FBP1: variants seen among roughly 807,000 people sequenced by gnomAD.
The protein encoded by FBP1 is fructose-bisphosphatase 1.
Under a neutral mutation model 29.9 loss-of-function variants are expected in FBP1, and 22 were observed. The ratio of observed to expected loss-of-function variants is 0.74; its 90% CI spans 0.53 to 1.05. The LOEUF (loss-of-function observed/expected upper bound fraction) is 1.05, where lower values mean the gene tolerates loss of function less well. FBP1 is among the 50% of genes least tolerant of loss of function. The probability of loss-of-function intolerance (pLI) is 0.00; values close to 1 mark genes in which losing one functional copy is unlikely to be tolerated. For missense variants in FBP1, 345 were observed against 448.2 expected, an observed-to-expected ratio of 0.77 and a Z score of 2.08; for synonymous variants, 175 against 178.6, an observed-to-expected ratio of 0.98 and a Z score of 0.16.
At chr9:94,610,450 T>C (rs755434827) in intron 3 of FBP1, among the ~76,000 whole-genome samples, 1 of 152,252 alleles carries the variant, frequency 6.6e-6, no homozygotes, top group Non-Finnish European at 1.5e-5. Flanking sequence ...AACACTGGGC[T>C]GCAGGGCAGC....
rs1321743387 is a variant in FBP1, at chr9:94,639,452, G to A, written c.-142C>T. 2 of 960,540 alleles carry A rather than the reference G, an allele frequency of 2.1e-6. No individual in the cohort carries two copies. The highest frequency in any genetic ancestry group is 1.4e-5 in the South Asian group (1 of 70,086). 59.5% of individuals were successfully genotyped at this position (960,540 alleles called of 1,614,324 possible). A position where few individuals can be genotyped will look rare whatever the true frequency, so the allele number is the denominator to read the frequency against. ...GCGGCAGGTGCGGGCCGCGGGACCT[G>A]GCGGGAGGACTGACAGACCGACTGC... On this transcript the variant is annotated 5_prime_UTR_variant, in exon 1 of 7. Transcript: ENST00000375326.
At chr9:94,604,306 T>C (rs1302649070) in intron 6 of FBP1, among the ~76,000 whole-genome samples, 1 of 151,960 alleles carries the variant, frequency 6.6e-6, no homozygotes, top group Non-Finnish European at 1.5e-5. Flanking sequence ...TAGAGAAAAG[T>C]GCTGGAAAGC....
chr9:94,603,230 C>A lies in FBP1; in HGVS notation c.*151G>T. On this transcript the variant is annotated 3_prime_UTR_variant, in exon 7 of 7. Coordinates refer to ENST00000375326, the MANE Select transcript of FBP1 (RefSeq NM_000507.4). Reference sequence around the variant, plus strand: ...GGAGACAGCATTTGGTTAGGGAGTGCCAAGCATTCTACAGCATTTGATGGT... The same window carrying A: ...GGAGACAGCATTTGGTTAGGGAGTGACAAGCATTCTACAGCATTTGATGGT... 1 of 719,832 alleles carries A rather than the reference C, an allele frequency of 1.4e-6. No individual in the cohort carries two copies. The highest frequency in any genetic ancestry group is 2.7e-5 in the East Asian group (1 of 36,914). 44.6% of individuals were successfully genotyped at this position (719,832 alleles called of 1,614,324 possible). A position where few individuals can be genotyped will look rare whatever the true frequency, so the allele number is the denominator to read the frequency against.
intron 2 of FBP1, 85 bp from the exon 3 acceptor site, chr9:94,617,945 A>G: frequency 2.8e-6 from 3 of 1,078,624 alleles, no homozygotes; most frequent in Non-Finnish European, 4.2e-6. Flanking sequence ...AAGAATGGGA[A>G]TTTAGAAGAA....
At chr9:94,635,854 G>A (rs1828184188) in intron 1 of FBP1, among the ~76,000 whole-genome samples, 2 of 152,196 alleles carry the variant, frequency 1.3e-5, no homozygotes, top group South Asian at 4.1e-4. Flanking sequence ...GCACACAGCA[G>A]TTAAAAGGAG....
At chr9:94,635,882 G>A (rs1056401461) in intron 1 of FBP1, among the ~76,000 whole-genome samples, 3 of 152,216 alleles carry the variant, frequency 2.0e-5, no homozygotes, top group African/African-American at 7.2e-5. Context: ...TAGATGTCCC[G>A]ATATTAATGG....
chr9:94,604,339 T>C (rs1181077694), intron 6 of FBP1, among the ~76,000 whole-genome samples: 2 of 152,206 alleles, frequency 1.3e-5, no homozygotes, highest in Non-Finnish European at 2.9e-5. Flanking sequence ...CAGGTTGATA[T>C]GCCCGAGGCA....
intron 1 of FBP1, among the ~76,000 whole-genome samples, chr9:94,624,662 A>T (rs949947130): frequency 4.6e-5 from 7 of 152,228 alleles, no homozygotes; most frequent in African/African-American, 1.7e-4. Context: ...TCAAAAAAAT[A>T]AAAAAAAGAA....
chr9:94,610,597 A>G (rs772225489), intron 3 of FBP1, among the ~76,000 whole-genome samples: 31 of 152,242 alleles, frequency 2.0e-4, no homozygotes, highest in Non-Finnish European at 3.4e-4. Flanking sequence ...CAGAGTCATT[A>G]TGGGGTAGAG....
intron 1 of FBP1, among the ~76,000 whole-genome samples, chr9:94,629,128 C>T (rs557802688): frequency 3.3e-4 from 50 of 152,124 alleles, no homozygotes; most frequent in Middle Eastern, 6.8e-3. Context: ...ATTACAGGCA[C>T]CTGCCACCAC....
chr9:94,619,805 C>T (rs899417568), intron 2 of FBP1, among the ~76,000 whole-genome samples: 5 of 143,530 alleles, frequency 3.5e-5, no homozygotes, highest in East Asian at 2.1e-4. Flanking sequence ...ACCCAGGAGG[C>T]GGAGGTTGCA....
Position 94,603,783 on chromosome 9 carries a change from A to C in FBP1, c.826-211T>G, listed in dbSNP as rs562247131. 6 of 611,912 alleles carry C rather than the reference A, an allele frequency of 9.8e-6. No homozygotes were observed. In the East Asian group the frequency reaches 1.5e-4, roughly 15 times the overall value. 37.9% of individuals were successfully genotyped at this position (611,912 alleles called of 1,614,324 possible). On this transcript the variant is annotated intron_variant, in intron 6 of 6. Transcript: ENST00000375326. Reference sequence around the variant, plus strand: ...ACCATTTGGTTAAATTCAACCATTCATCAAGCCAGTGCCAGCAATAGATTA... The same window carrying C: ...ACCATTTGGTTAAATTCAACCATTCCTCAAGCCAGTGCCAGCAATAGATTA...
intron 4 of FBP1, 105 bp from the exon 5 acceptor site, chr9:94,607,057 G>C: frequency 1.4e-6 from 2 of 1,480,542 alleles, no homozygotes; most frequent in Admixed American, 3.4e-5. Context: ...TGGGGTCGCG[G>C]CGCACGGGCA....
chr9:94,631,209 C>A (rs995126383), intron 1 of FBP1, among the ~76,000 whole-genome samples: 15 of 152,158 alleles, frequency 9.9e-5, no homozygotes, highest in African/African-American at 3.6e-4. Context: ...CCCTTTCCAG[C>A]CCCAGAGATA....
intron 1 of FBP1, among the ~76,000 whole-genome samples, chr9:94,625,514 G>A (rs1828011380): frequency 6.6e-6 from 1 of 152,084 alleles, no homozygotes; most frequent in African/African-American, 2.4e-5. Context: ...ACAGGGCTGG[G>A]GCCGGGCACA....
Position 94,610,056 on chromosome 9 carries a change from T to C in FBP1, c.432A>G (p.Ser144=). 1 of 1,614,188 alleles carries C rather than the reference T, an allele frequency of 6.2e-7. No homozygotes were observed. Among genetic ancestry groups the C allele is most frequent in the Non-Finnish European group, 8.5e-7 (1 of 1,180,002 alleles). Residue 144 remains serine, a synonymous_variant, in exon 4 of 7, where the codon TCA becomes TCG. Transcript: ENST00000375326. ...GTIFGIYRKK[S]TDEPSEKDAL... ...CATCCTTCTCAGAAGGCTCATCAGTTGATTTCTAGAGCAAGAAAGAAATCA... is the reference window on the plus strand; with the variant it reads ...CATCCTTCTCAGAAGGCTCATCAGTCGATTTCTAGAGCAAGAAAGAAATCA...
chr9:94,628,781 G>T (rs879616295), intron 1 of FBP1, among the ~76,000 whole-genome samples: 2 of 152,032 alleles, frequency 1.3e-5, no homozygotes, highest in African/African-American at 4.8e-5. Flanking sequence ...CCAGAGACCC[G>T]GATATTTGGT....
Position 94,634,071 on chromosome 9 carries a change from A to G in FBP1, c.170+5070T>C, listed in dbSNP as rs371440455. The stretch of plus-strand genomic sequence containing the variant: ...GACTTTGGGAGGCCGGGGCGGGCAG[A>G]TCACCTGAGGTCAGGAGTTTGAGAC... On this transcript the variant is annotated intron_variant, in intron 1 of 6. Coordinates refer to ENST00000375326, the MANE Select transcript of FBP1 (RefSeq NM_000507.4). 2.3e-3 allele frequency among the ~76,000 whole-genome samples: 344 copies of G among 150,976 alleles called. 2 individuals carry two copies. The highest frequency in any genetic ancestry group is 8.1e-3 in the African/African-American group (336 of 41,328).
Position 94,626,440 on chromosome 9 carries a change from G to A in FBP1, c.171-5949C>T, listed in dbSNP as rs537396108. Among the ~76,000 whole-genome samples the A allele has an allele frequency of 2.0e-4, 30 of 152,220 alleles. No homozygotes were observed. The South Asian group carries it at 3.1e-3, about 16-fold the overall frequency. On this transcript the variant is annotated intron_variant, in intron 1 of 6. Coordinates refer to ENST00000375326, the MANE Select transcript of FBP1 (RefSeq NM_000507.4). The stretch of plus-strand genomic sequence containing the variant: ...CATGTCTCCAGGTCTCCTCTGAGCC[G>A]CAGTGAGTTAAGCTGGCCACACCGT...
Sources: gnomAD v4.1 joint callset for allele counts (sites outside exome capture counted in the v4.1 genomes callset) on GRCh38, gnomAD v4.1.1 for gene constraint, MANE v1.5 for transcripts, NCBI Gene and HGNC (gene_info 2026-07-23, HGNC 2026-07-21) for gene names.